Variants in PKP4 observed in about 807,000 individuals in gnomAD.
PKP4 encodes plakophilin-4.
Under a neutral mutation model 145.1 loss-of-function variants are expected in PKP4, and 90 were observed. That is an observed-to-expected ratio of 0.62 (90% confidence interval 0.52 to 0.74). The LOEUF is 0.74. Ranked by LOEUF, PKP4 falls within the 30% of genes least tolerant of loss-of-function variation. The pLI is 0.00. For missense variants in PKP4, 1,340 were observed against 1,482.7 expected (o/e 0.90, Z 1.58); for synonymous variants, 563 against 577.2 (o/e 0.98, Z 0.35).
intron 2 of PKP4, among the ~76,000 whole-genome samples, chr2:158,564,958 A>G (rs2046852023): frequency 6.6e-6 from 1 of 152,224 alleles, no homozygotes; most frequent in African/African-American, 2.4e-5. Context: ...AGTCAATTAC[A>G]GTTCTAAATA....
chr2:158,515,272 G>C (rs1422982844), intron 1 of PKP4, among the ~76,000 whole-genome samples: 1 of 152,164 alleles, frequency 6.6e-6, no homozygotes, highest in Non-Finnish European at 1.5e-5. Context: ...CCTGGAGTAG[G>C]CTGGGCTTTT....
chr2:158,559,194 C>G (rs1190669127), intron 2 of PKP4, among the ~76,000 whole-genome samples: 1 of 152,156 alleles, frequency 6.6e-6, no homozygotes, highest in Non-Finnish European at 1.5e-5. Context: ...GTTCCTGGCC[C>G]TGTTCACAGA....
At chr2:158,548,636 C>A in intron 2 of PKP4, 1 of 170,328 alleles carries the variant, frequency 5.9e-6, no homozygotes, top group South Asian at 1.3e-4. Flanking sequence ...AAGAGCTGTC[C>A]TCTATCCAGA....
chr2:158,520,290 T>C (rs1329716555), intron 1 of PKP4, among the ~76,000 whole-genome samples: 1 of 152,322 alleles, frequency 6.6e-6, no homozygotes, highest in Admixed American at 6.5e-5. Context: ...TTTTCAAAAA[T>C]CGTTATTGAA....
intron 1 of PKP4, among the ~76,000 whole-genome samples, chr2:158,479,211 ATTTAT>A (rs949689439): frequency 6.6e-6 from 1 of 151,888 alleles, no homozygotes; most frequent in Admixed American, 6.6e-5. Flanking sequence ...TAATTTTTAA[ATTTAT>A]TTTATTATTA....
chr2:158,495,812 C>T (rs1473433159), intron 1 of PKP4, among the ~76,000 whole-genome samples: 3 of 148,850 alleles, frequency 2.0e-5, no homozygotes, highest in Non-Finnish European at 4.4e-5. Flanking sequence ...CCAGCCTGGG[C>T]GACAGAGCAA....
rs561964313 is a variant in PKP4 at position 158,566,479 on chromosome 2, A to AATATATATATATATATATAT, written c.133-10779_133-10778insTATATATATATATATATATA. 9.3e-3 allele frequency among the ~76,000 whole-genome samples: 1,411 copies of AATATATATATATATATATAT among 151,150 alleles called. 30 individuals are homozygous for AATATATATATATATATATAT. Among genetic ancestry groups the AATATATATATATATATATAT allele is most frequent in the East Asian group, 0.088 (449 of 5,084 alleles). ...GCATCATTGGTCTTAATAATTTTGA[A>AATATATATATATATATATAT]ATATATATATATAAAACCCAAATTG... is the stretch of plus-strand genomic sequence containing the variant. On this transcript the variant is annotated intron_variant, in intron 2 of 21. Coordinates refer to ENST00000389759, the MANE Select transcript of PKP4 (RefSeq NM_003628.6).
chr2:158,556,653 G>A (rs2046122656), intron 2 of PKP4, among the ~76,000 whole-genome samples: 1 of 151,900 alleles, frequency 6.6e-6, no homozygotes, highest in Non-Finnish European at 1.5e-5. Context: ...TTTATCAGAT[G>A]AGAAACTGTG....
chr2:158,634,707 G>A (rs921724689), intron 9 of PKP4, among the ~76,000 whole-genome samples: 8 of 152,296 alleles, frequency 5.3e-5, no homozygotes, highest in African/African-American at 1.2e-4. Flanking sequence ...AGAAAGACCC[G>A]TGTTACATGT....
At position 158,669,910 on chromosome 2, in the gene PKP4, C is replaced by T. The variant is rs755516594; in HGVS notation, c.2919C>T (p.Gly973=). The T allele has an allele frequency of 1.1e-5, 18 of 1,608,296 alleles. No homozygotes were observed. Among genetic ancestry groups the T allele is most frequent in the African/African-American group, 5.3e-5 (4 of 74,882 alleles). The stretch of plus-strand genomic sequence containing the variant: ...TGGTGAACATAACCAAAGGCAGGGG[C>T]GACAGGCAAGTCTGCGGCAAGGAGG... The part of the protein sequence containing the change: ...EKLVNITKGR[G]DRSSLKVVKA... The change falls in exon 17 of 22, where the codon GGC becomes GGT. Residue 973 remains glycine (G), a synonymous_variant. Coordinates refer to ENST00000389759, the MANE Select transcript of PKP4 (RefSeq NM_003628.6).
intron 3 of PKP4, among the ~76,000 whole-genome samples, chr2:158,583,386 C>T (rs4664979): frequency 0.46 from 70,412 of 151,884 alleles, 17,291 homozygotes; most frequent in South Asian, 0.67. Flanking sequence ...TAGATAAGAC[C>T]GTATTCTTAC....
chr2:158,657,638 G>A (rs1399121599), intron 11 of PKP4, among the ~76,000 whole-genome samples: 1 of 152,142 alleles, frequency 6.6e-6, no homozygotes, highest in Non-Finnish European at 1.5e-5. Flanking sequence ...GCAAAAGTAA[G>A]AAAAGGAAGC....
intron 2 of PKP4, among the ~76,000 whole-genome samples, chr2:158,555,476 A>G (rs1022626442): frequency 1.3e-5 from 2 of 152,242 alleles, no homozygotes; most frequent in African/African-American, 2.4e-5. Flanking sequence ...GGATAGCTCT[A>G]TTAGCATCAA....
At chr2:158,559,752 G>C (rs1385358688) in intron 2 of PKP4, among the ~76,000 whole-genome samples, 2 of 152,178 alleles carry the variant, frequency 1.3e-5, no homozygotes, top group Non-Finnish European at 2.9e-5. Context: ...ATAGACAAAG[G>C]AAAGGAATTT....
chr2:158,654,693 G>A (rs2055742438), intron 11 of PKP4, among the ~76,000 whole-genome samples: 1 of 152,080 alleles, frequency 6.6e-6, no homozygotes, highest in Non-Finnish European at 1.5e-5. Flanking sequence ...TTTTGTTAGA[G>A]ATCCTCTCCC....
intron 4 of PKP4, among the ~76,000 whole-genome samples, chr2:158,619,366 A>C (rs2051972084): frequency 6.6e-6 from 1 of 152,220 alleles, no homozygotes; most frequent in African/African-American, 2.4e-5. Flanking sequence ...ACTGTCACAG[A>C]ATTCTACCAT....
chr2:158,634,858 T>C (rs1319757565), intron 9 of PKP4, among the ~76,000 whole-genome samples: 1 of 149,998 alleles, frequency 6.7e-6, no homozygotes, highest in Non-Finnish European at 1.5e-5. Flanking sequence ...CATAGACGTT[T>C]CCTCCTTCTG....
At chr2:158,550,964 A>AT (rs2045570242) in intron 2 of PKP4, among the ~76,000 whole-genome samples, 2 of 152,232 alleles carry the variant, frequency 1.3e-5, no homozygotes, top group Non-Finnish European at 2.9e-5. Context: ...TTGCTGTGTT[A>AT]TTTATGTTTT....
rs376203990 is a variant in PKP4, at chr2:158,642,487, T to G, written c.1697T>G (p.Val566Gly). The change falls in exon 11 of 22, where the codon GTG becomes GGG. Residue 566 changes from valine to glycine, a missense_variant and splice_region_variant. Transcript: ENST00000389759. ...GGTACCTAATATTTTTCATTCTAGGTGTGTAGGTTAGGGGGAATCAAGCAT... is the reference window on the plus strand; with the variant it reads ...GGTACCTAATATTTTTCATTCTAGGGGTGTAGGTTAGGGGGAATCAAGCAT... Reference protein sequence around the residue: ...CFGDNKVKMEVCRLGGIKHLV... With the variant: ...CFGDNKVKMEGCRLGGIKHLV... 1.1e-5 allele frequency: 17 copies of G among 1,596,922 alleles called. No individual in the cohort carries two copies. The highest frequency in any genetic ancestry group is 1.5e-5 in the Non-Finnish European group (17 of 1,168,270).
Sources: gnomAD v4.1 joint callset for allele counts (sites outside exome capture counted in the v4.1 genomes callset) on GRCh38, gnomAD v4.1.1 for gene constraint, MANE v1.5 for transcripts, NCBI Gene and HGNC (gene_info 2026-07-23, HGNC 2026-07-21) for gene names.